VPS13B: variants seen among roughly 807,000 people sequenced by gnomAD.
VPS13B encodes the protein intermembrane lipid transfer protein VPS13B.
In VPS13B, 285 loss-of-function variants were observed where a neutral mutation model predicts 426.4. That is an observed-to-expected ratio of 0.67 (90% CI 0.61 to 0.74). The LOEUF (loss-of-function observed/expected upper bound fraction) is 0.74, where lower values mean the gene tolerates loss of function less well. Among genes scored for constraint, VPS13B ranks in the 30% least tolerant of loss-of-function variants. The pLI is 0.00. For missense variants in VPS13B, 4,537 were observed against 4,782.6 expected, an observed-to-expected ratio of 0.95 and a Z score of 1.51; for synonymous variants, 1,676 against 1,676.4, an observed-to-expected ratio of 1.00 and a Z score of 0.01.
At chr8:99,080,389 T>A (rs1031541055) in intron 3 of VPS13B, among the ~76,000 whole-genome samples, 2 of 152,310 alleles carry the variant, frequency 1.3e-5, no homozygotes, top group East Asian at 1.9e-4. Flanking sequence ...CTTTATTTTT[T>A]AATTTATATC....
At chr8:99,264,776 C>T (rs1287124063) in intron 17 of VPS13B, among the ~76,000 whole-genome samples, 5 of 152,058 alleles carry the variant, frequency 3.3e-5, no homozygotes, top group East Asian at 3.9e-4. Flanking sequence ...TTTGCAACTC[C>T]TTTTCTACAG....
intron 34 of VPS13B, among the ~76,000 whole-genome samples, chr8:99,659,076 A>G (rs1830126029): frequency 6.6e-6 from 1 of 151,998 alleles, no homozygotes; most frequent in Non-Finnish European, 1.5e-5. Context: ...TTCAAGCAAT[A>G]TGCTCACCTC....
chr8:99,431,195 G>A (rs1310729377), intron 21 of VPS13B, among the ~76,000 whole-genome samples: 2 of 152,048 alleles, frequency 1.3e-5, no homozygotes, highest in Admixed American at 6.6e-5. Flanking sequence ...CTGAAAATTG[G>A]ACAAGTTGTT....
At chr8:99,818,963 G>A (rs1304695234) in intron 47 of VPS13B, 75 bp downstream of exon 47, 8 of 1,169,004 alleles carry the variant, frequency 6.8e-6, no homozygotes, top group African/African-American at 1.5e-5. Context: ...TTGCACTGGG[G>A]GGCGGCGGGG....
At chr8:99,152,060 T>C (rs1811107037) in intron 14 of VPS13B, among the ~76,000 whole-genome samples, 1 of 152,150 alleles carries the variant, frequency 6.6e-6, no homozygotes, top group Non-Finnish European at 1.5e-5. Flanking sequence ...ATTCTTTTCT[T>C]CTTATTTTGG....
chr8:99,084,993 A>T, intron 3 of VPS13B, among the ~76,000 whole-genome samples: 1 of 102,840 alleles, frequency 9.7e-6, no homozygotes, highest in Middle Eastern at 4.8e-3. Context: ...AGTTGAGTTC[A>T]ATTCCTGGAT....
chr8:99,761,711 C>T (rs186817895), intron 39 of VPS13B, among the ~76,000 whole-genome samples: 1 of 152,166 alleles, frequency 6.6e-6, no homozygotes, highest in Non-Finnish European at 1.5e-5. Context: ...TTTGTATTAC[C>T]AAAAACAATA....
At chr8:99,704,450 G>A (rs148441915) in intron 36 of VPS13B, among the ~76,000 whole-genome samples, 105 of 152,256 alleles carry the variant, frequency 6.9e-4, no homozygotes, top group African/African-American at 1.3e-3. Flanking sequence ...GCAGAGATGC[G>A]AGTTAGCCTA....
At chr8:99,247,488 A>G (rs1032513528) in intron 17 of VPS13B, among the ~76,000 whole-genome samples, 7 of 152,120 alleles carry the variant, frequency 4.6e-5, no homozygotes, top group Admixed American at 3.3e-4. Flanking sequence ...TCCAATTTTA[A>G]TAATAGTTTT....
At chr8:99,417,337 C>T (rs1816079222) in intron 21 of VPS13B, among the ~76,000 whole-genome samples, 1 of 152,150 alleles carries the variant, frequency 6.6e-6, no homozygotes, top group African/African-American at 2.4e-5. Context: ...ACATAAAAAT[C>T]AGCTTTATTG....
At chr8:99,859,153 C>T in intron 56 of VPS13B, 151 bp from the exon 57 acceptor site, 2 of 956,622 alleles carry the variant, frequency 2.1e-6, no homozygotes, top group Non-Finnish European at 3.2e-6. Flanking sequence ...CAGAGAATGA[C>T]TTATTTCCCT....
chr8:99,189,000 C>A (rs530658567), intron 16 of VPS13B, among the ~76,000 whole-genome samples: 2 of 152,280 alleles, frequency 1.3e-5, no homozygotes, highest in African/African-American at 4.8e-5. Context: ...CCCGGGTTCA[C>A]ACCATTCTCC....
At chr8:99,140,103 A>G (rs1810321047) in intron 12 of VPS13B, among the ~76,000 whole-genome samples, 3 of 152,186 alleles carry the variant, frequency 2.0e-5, no homozygotes, top group Admixed American at 2.0e-4. Flanking sequence ...GTGGTGGCTC[A>G]TGCCTGTAAT....
chr8:99,641,598 A>G (rs1829363771), intron 33 of VPS13B, among the ~76,000 whole-genome samples: 1 of 152,200 alleles, frequency 6.6e-6, no homozygotes. Flanking sequence ...TGAACATTAG[A>G]TGCTTTTTCT....
intron 5 of VPS13B, 28 bp from the exon 6 acceptor site, chr8:99,111,070 T>A: frequency 6.3e-7 from 1 of 1,586,700 alleles, no homozygotes; most frequent in Non-Finnish European, 8.6e-7. Context: ...TTTTCCTTTT[T>A]ACTTAAAATG....
At chr8:99,163,186 C>T (rs915359219) in intron 15 of VPS13B, among the ~76,000 whole-genome samples, 17 of 152,130 alleles carry the variant, frequency 1.1e-4, no homozygotes, top group African/African-American at 3.6e-4. Context: ...TCTCCAAGGC[C>T]CCACCAGAGC....
At chr8:99,453,687 C>T (rs998098522) in intron 23 of VPS13B, among the ~76,000 whole-genome samples, 4 of 152,122 alleles carry the variant, frequency 2.6e-5, no homozygotes, top group Non-Finnish European at 4.4e-5. Context: ...ATATGGCAGC[C>T]CTAATATGCT....
At position 99,147,829 on chromosome 8, in the gene VPS13B, T is replaced by C. The variant is rs1276511566; in HGVS notation, c.1844-12T>C. On this transcript the variant is annotated splice_polypyrimidine_tract_variant and intron_variant, in intron 13 of 61. Transcript: ENST00000357162. ...AATATTCTTTATTAATTTTTTATCA[T>C]TTTAATTTTAGATATTAAGGATGAA... 2 of 1,439,824 alleles carry C rather than the reference T, an allele frequency of 1.4e-6. No homozygotes were observed. The highest frequency in any genetic ancestry group is 1.8e-6 in the Non-Finnish European group (2 of 1,085,338). 89.2% of individuals were successfully genotyped at this position (1,439,824 alleles called of 1,614,324 possible).
intron 39 of VPS13B, among the ~76,000 whole-genome samples, chr8:99,743,228 T>A (rs1319788261): frequency 1.3e-5 from 2 of 152,016 alleles, no homozygotes; most frequent in Non-Finnish European, 2.9e-5. Flanking sequence ...CACAATTGCT[T>A]CAAAGAGAAT....
Sources: gnomAD v4.1 joint callset for allele counts (sites outside exome capture counted in the v4.1 genomes callset) on GRCh38, gnomAD v4.1.1 for gene constraint, MANE v1.5 for transcripts, NCBI Gene and HGNC (gene_info 2026-07-23, HGNC 2026-07-21) for gene names.